LRP1B: variants seen among roughly 807,000 people sequenced by gnomAD.
The protein encoded by LRP1B is LDL receptor related protein 1B, also known as low-density lipoprotein receptor-related protein 1B.
Under a neutral mutation model 556.6 loss-of-function variants are expected in LRP1B, and 217 were observed. That is an observed-to-expected ratio of 0.39 (90% confidence interval 0.35 to 0.44). The LOEUF is 0.44. LRP1B is among the 20% of genes least tolerant of loss of function. The pLI is 1.00. For missense variants in LRP1B, 5,053 were observed against 5,620.8 expected (o/e 0.90, Z 3.23); for synonymous variants, 2,047 against 1,865.8 (o/e 1.10, Z -2.50).
At chr2:142,032,203 TC>T (rs1703735105) in intron 1 of LRP1B, among the ~76,000 whole-genome samples, 1 of 151,834 alleles carries the variant, frequency 6.6e-6, no homozygotes, top group Non-Finnish European at 1.5e-5. Flanking sequence ...CTCATCTACT[TC>T]CCCTTTTCCT....
intron 60 of LRP1B, among the ~76,000 whole-genome samples, chr2:140,465,720 C>CAAAAAAAAAAAAAA (rs34468644): frequency 1.2e-5 from 1 of 80,328 alleles, no homozygotes; most frequent in African/African-American, 4.3e-5. Context: ...ATGACATTTG[C>CAAAAAAAAAAAAAA]AAAAAAAAAA....
At chr2:140,815,391 T>C (rs548550926) in intron 31 of LRP1B, among the ~76,000 whole-genome samples, 24 of 152,216 alleles carry the variant, frequency 1.6e-4, no homozygotes, top group African/African-American at 5.8e-4. Context: ...ACTGCAGCTT[T>C]GAAATCCTGG....
intron 3 of LRP1B, among the ~76,000 whole-genome samples, chr2:141,317,453 T>C (rs932856268): frequency 1.3e-5 from 2 of 152,128 alleles, no homozygotes; most frequent in Admixed American, 6.5e-5. Context: ...ATCAGCCATA[T>C]TGAATTAGGG....
intron 35 of LRP1B, among the ~76,000 whole-genome samples, chr2:140,749,250 C>T (rs1475884305): frequency 1.3e-5 from 2 of 152,092 alleles, no homozygotes; most frequent in African/African-American, 4.8e-5. Flanking sequence ...CATTAGTGTA[C>T]ACTACTACAG....
chr2:141,381,734 T>C (rs1212380134), intron 3 of LRP1B, among the ~76,000 whole-genome samples: 1 of 151,972 alleles, frequency 6.6e-6, no homozygotes, highest in African/African-American at 2.4e-5. Context: ...AGTAGGATAA[T>C]ATACTCAGAG....
At chr2:142,110,471 T>C (rs919289335) in intron 1 of LRP1B, among the ~76,000 whole-genome samples, 3 of 152,080 alleles carry the variant, frequency 2.0e-5, no homozygotes, top group African/African-American at 7.2e-5. Context: ...AAGAGAGCAG[T>C]CATGATTTGA....
chr2:141,860,661 T>A (rs1049640028), intron 1 of LRP1B, among the ~76,000 whole-genome samples: 1 of 152,134 alleles, frequency 6.6e-6, no homozygotes, highest in Non-Finnish European at 1.5e-5. Flanking sequence ...TGAAAAGTAA[T>A]TAGATGGTAA....
At chr2:141,208,593 G>A (rs751709970) in intron 6 of LRP1B, among the ~76,000 whole-genome samples, 13 of 151,354 alleles carry the variant, frequency 8.6e-5, no homozygotes, top group Non-Finnish European at 1.5e-4. Context: ...GTGGCTGGGC[G>A]CGGGGGGCTC....
rs1385706427 is a variant in LRP1B at position 140,514,739 on chromosome 2, G to T, written c.8183C>A (p.Ser2728Tyr). ...ATGCTTAGAAATACATTTTTGTGCG[G>T]AACAAGCAAATTGGTTCCAAGAGCA... ...SSCSWNQFAC[S>Y]AQKCISKHWI... The change falls in exon 51 of 91, where the codon TCC (serine) becomes TAC (tyrosine). Residue 2728 changes from serine (S) to tyrosine (Y), a missense_variant. By Grantham distance (144) the Ser-to-Tyr change is moderately radical (BLOSUM62 -2). Transcript: ENST00000389484. 6.2e-7 allele frequency: 1 copy of T among 1,610,724 alleles called. No homozygotes were observed. The highest frequency in any genetic ancestry group is 8.5e-7 in the Non-Finnish European group (1 of 1,178,140).
At chr2:141,302,075 G>A (rs1323679721) in intron 3 of LRP1B, among the ~76,000 whole-genome samples, 1 of 151,904 alleles carries the variant, frequency 6.6e-6, no homozygotes, top group African/African-American at 2.4e-5. Flanking sequence ...GGTATTTCTG[G>A]AAAAAATTCA....
At chr2:140,269,408 A>T (rs1374334079) in intron 86 of LRP1B, 1 of 467,912 alleles carries the variant, frequency 2.1e-6, no homozygotes, top group Non-Finnish European at 4.4e-6. Flanking sequence ...AAATACAGCT[A>T]AATAAAGCGT....
At chr2:140,978,546 C>G (rs1214690748) in intron 18 of LRP1B, among the ~76,000 whole-genome samples, 1 of 152,086 alleles carries the variant, frequency 6.6e-6, no homozygotes, top group Non-Finnish European at 1.5e-5. Context: ...TGAGTTGAAT[C>G]TATATTTATT....
intron 20 of LRP1B, among the ~76,000 whole-genome samples, 196 bp downstream of exon 20, chr2:140,950,039 G>A (rs959687460): frequency 4.6e-5 from 7 of 151,702 alleles, no homozygotes; most frequent in Non-Finnish European, 8.8e-5. Context: ...GAATAAGGAG[G>A]TATTGAGAGG....
At chr2:141,026,408 T>C (rs1447895944) in intron 11 of LRP1B, among the ~76,000 whole-genome samples, 1 of 152,098 alleles carries the variant, frequency 6.6e-6, no homozygotes, top group Non-Finnish European at 1.5e-5. Context: ...CAAGGTATCA[T>C]ATACATGCTT....
intron 25 of LRP1B, among the ~76,000 whole-genome samples, chr2:140,874,374 T>A (rs1693237507): frequency 6.6e-6 from 1 of 152,174 alleles, no homozygotes; most frequent in Non-Finnish European, 1.5e-5. Flanking sequence ...AATGCTCTCC[T>A]TCAACTCATT....
chr2:140,609,079 G>T (rs139526264), intron 41 of LRP1B, among the ~76,000 whole-genome samples: 19 of 152,226 alleles, frequency 1.2e-4, no homozygotes, highest in African/African-American at 4.6e-4. Flanking sequence ...GATAAGCACC[G>T]ACTTTCTGAA....
chr2:141,012,140 G>A (rs776266199), intron 14 of LRP1B, among the ~76,000 whole-genome samples: 14 of 152,014 alleles, frequency 9.2e-5, no homozygotes, highest in East Asian at 1.9e-4. Flanking sequence ...ATCTAAGCCC[G>A]GGGCATTTTT....
intron 66 of LRP1B, among the ~76,000 whole-genome samples, chr2:140,404,680 C>T (rs1438883879): frequency 1.3e-5 from 2 of 152,068 alleles, no homozygotes; most frequent in African/African-American, 4.8e-5. Context: ...CTGTTGTCTT[C>T]AAAAGACTCA....
chr2:141,502,850 C>A (rs796545326), intron 2 of LRP1B, among the ~76,000 whole-genome samples: 12 of 102,456 alleles, frequency 1.2e-4, no homozygotes, highest in African/African-American at 1.3e-4. Context: ...AGAGGGAGAC[C>A]CCGTCTCAAA....
Sources: gnomAD v4.1 joint callset for allele counts (sites outside exome capture counted in the v4.1 genomes callset) on GRCh38, gnomAD v4.1.1 for gene constraint, MANE v1.5 for transcripts, NCBI Gene and HGNC (gene_info 2026-07-23, HGNC 2026-07-21) for gene names.